The following PAK5 variants were observed in gnomAD, a reference collection of about 807,000 sequenced individuals.
PAK5 encodes the protein serine/threonine-protein kinase PAK 5.
PAK5 carries 16 observed loss-of-function variants against 65.9 expected under a neutral mutation model. The observed-to-expected ratio is 0.24, with a 90% CI of 0.16 to 0.37. The LOEUF (loss-of-function observed/expected upper bound fraction) is 0.37. Among genes scored for constraint, PAK5 ranks in the 10% least tolerant of loss-of-function variants. The probability of loss-of-function intolerance (pLI) is 1.00; values close to 1 mark genes in which losing one functional copy is unlikely to be tolerated. For missense variants in PAK5, 785 were observed against 903.9 expected (o/e 0.87, Z 1.69); for synonymous variants, 371 against 354.9 (o/e 1.05, Z -0.51).
chr20:9,786,507 T>G (rs1182975029), intron 1 of PAK5, among the ~76,000 whole-genome samples: 1 of 152,058 alleles, frequency 6.6e-6, no homozygotes, highest in Non-Finnish European at 1.5e-5. Flanking sequence ...AAGAAAAAAT[T>G]TATTAAAAAT....
intron 2 of PAK5, among the ~76,000 whole-genome samples, chr20:9,683,423 A>T (rs193001742): frequency 1.5e-4 from 23 of 152,372 alleles, no homozygotes; most frequent in African/African-American, 5.0e-4. Context: ...CCATTAATAT[A>T]GGACCAGATG....
chr20:9,539,515 C>A lies in PAK5; in HGVS notation c.2107G>T (p.Ala703Ser). 4 of 1,613,962 alleles carry A rather than the reference C, an allele frequency of 2.5e-6. No individual in the cohort carries two copies. Among genetic ancestry groups the A allele is most frequent in the Non-Finnish European group, 3.4e-6 (4 of 1,179,920 alleles). The change falls in exon 10 of 10, where the codon GCA becomes TCA. Residue 703 changes from alanine (A) to serine (S), a missense_variant. Ala to Ser is a moderately conservative substitution (Grantham distance 99, BLOSUM62 1). Coordinates refer to ENST00000353224, the MANE Select transcript of PAK5 (RefSeq NM_177990.4). The stretch of plus-strand genomic sequence containing the variant: ...GGGACGATGCAAGACGGTGGACCTG[C>A]TAGTTTTAAGAATGGATGTCCGAGG... ...ELLGHPFLKLAGPPSCIVPLM... is the reference protein window; with the variant it reads ...ELLGHPFLKLSGPPSCIVPLM...
At chr20:9,653,740 A>G (rs1270988670) in intron 2 of PAK5, among the ~76,000 whole-genome samples, 2 of 152,114 alleles carry the variant, frequency 1.3e-5, no homozygotes, top group Admixed American at 1.3e-4. Flanking sequence ...AATGCAATGT[A>G]TTTTCTTACG....
chr20:9,734,357 T>C (rs570358780), intron 1 of PAK5, among the ~76,000 whole-genome samples: 78 of 151,962 alleles, frequency 5.1e-4, no homozygotes, highest in Non-Finnish European at 9.1e-4. Context: ...AATTTGGTAA[T>C]GGTGAGTGGG....
At position 9,559,061 on chromosome 20, in the gene PAK5, G is replaced by A. The variant is rs908408511; in HGVS notation, c.1617-1327C>T. 1.1e-4 allele frequency among the ~76,000 whole-genome samples: 16 copies of A among 152,152 alleles called. 1 individual carries two copies. The highest frequency in any genetic ancestry group is 2.4e-4 in the Non-Finnish European group (16 of 68,026). On this transcript the variant is annotated intron_variant, in intron 6 of 9. Transcript: ENST00000353224. ...ACTTGAATGAATGGATTTTCCTAATGAGTGAAATAGTTCAGCCACAGAGGA... is the reference window on the plus strand; with the variant it reads ...ACTTGAATGAATGGATTTTCCTAATAAGTGAAATAGTTCAGCCACAGAGGA...
At chr20:9,747,938 C>T (rs1233777088) in intron 1 of PAK5, among the ~76,000 whole-genome samples, 6 of 152,102 alleles carry the variant, frequency 3.9e-5, no homozygotes, top group Non-Finnish European at 7.3e-5. Context: ...TAGAAAACCC[C>T]ATCGTCTCAG....
chr20:9,793,694 G>A (rs1256771501), intron 1 of PAK5, among the ~76,000 whole-genome samples: 3 of 152,098 alleles, frequency 2.0e-5, no homozygotes, highest in Non-Finnish European at 2.9e-5. Flanking sequence ...TGTTGGTGAG[G>A]TTATGGAGAA....
At chr20:9,664,787 CA>C (rs2047391194) in intron 2 of PAK5, among the ~76,000 whole-genome samples, 1 of 152,042 alleles carries the variant, frequency 6.6e-6, no homozygotes, top group South Asian at 2.1e-4. Flanking sequence ...CTCATAAATA[CA>C]AGGCTAAAAG....
intron 6 of PAK5, among the ~76,000 whole-genome samples, chr20:9,561,062 TA>T: frequency 6.6e-6 from 1 of 152,214 alleles, no homozygotes. Flanking sequence ...CAATATCTAT[TA>T]AAGGAAGCTC....
intron 1 of PAK5, among the ~76,000 whole-genome samples, chr20:9,754,846 T>C (rs2048615713): frequency 6.6e-6 from 1 of 152,188 alleles, no homozygotes; most frequent in East Asian, 1.9e-4. Flanking sequence ...ACTGTCACAA[T>C]TTTCTCCCTG....
intron 3 of PAK5, among the ~76,000 whole-genome samples, chr20:9,605,650 C>T (rs2046439940): frequency 6.6e-6 from 1 of 152,126 alleles, no homozygotes; most frequent in African/African-American, 2.4e-5. Flanking sequence ...AGAGAATTGC[C>T]AGGCAAGGTG....
At chr20:9,638,959 T>C (rs1341411991) in intron 3 of PAK5, among the ~76,000 whole-genome samples, 11 of 152,200 alleles carry the variant, frequency 7.2e-5, no homozygotes, top group Non-Finnish European at 1.3e-4. Context: ...CTCATTTTCC[T>C]TTCTCAATTT....
At chr20:9,826,546 T>TA (rs927137084) in intron 1 of PAK5, among the ~76,000 whole-genome samples, 15 of 152,268 alleles carry the variant, frequency 9.9e-5, no homozygotes, top group African/African-American at 3.4e-4. Context: ...TATATTGCTT[T>TA]AAAAAATCCC....
intron 1 of PAK5, among the ~76,000 whole-genome samples, chr20:9,801,788 T>G (rs1793162165): frequency 6.6e-6 from 1 of 152,158 alleles, no homozygotes; most frequent in African/African-American, 2.4e-5. Flanking sequence ...TGAGTTAAAT[T>G]ATCTCAATCC....
At chr20:9,577,651 ATGT>A (rs1461683173) in intron 4 of PAK5, 1 of 152,236 alleles carries the variant, frequency 6.6e-6, no homozygotes, top group African/African-American at 2.4e-5. Context: ...TTTCAGAGAA[ATGT>A]TGTATTTTTA....
At chr20:9,644,704 C>G (rs2047110845) in intron 2 of PAK5, among the ~76,000 whole-genome samples, 1 of 152,164 alleles carries the variant, frequency 6.6e-6, no homozygotes. Flanking sequence ...ACAAAGATCT[C>G]TCTCTCAGGG....
intron 3 of PAK5, among the ~76,000 whole-genome samples, chr20:9,591,167 C>G (rs1820411029): frequency 6.6e-6 from 1 of 152,066 alleles, no homozygotes; most frequent in African/African-American, 2.4e-5. Flanking sequence ...GGCATTATTA[C>G]CCCTTTATAA....
intron 1 of PAK5, among the ~76,000 whole-genome samples, chr20:9,793,308 G>A (rs538849651): frequency 4.6e-5 from 7 of 152,140 alleles, no homozygotes; most frequent in African/African-American, 1.7e-4. Context: ...ACACATACAT[G>A]TTTTAAAAAG....
intron 1 of PAK5, among the ~76,000 whole-genome samples, chr20:9,799,339 G>T (rs1278918898): frequency 1.3e-5 from 2 of 152,112 alleles, no homozygotes; most frequent in African/African-American, 2.4e-5. Context: ...TTTTTGTGTT[G>T]TTATTTGTTT....
Sources: gnomAD v4.1 joint callset for allele counts (sites outside exome capture counted in the v4.1 genomes callset) on GRCh38, gnomAD v4.1.1 for gene constraint, MANE v1.5 for transcripts, NCBI Gene and HGNC (gene_info 2026-07-23, HGNC 2026-07-21) for gene names.